FRMD4A: variants seen among roughly 807,000 people sequenced by gnomAD.
The protein encoded by FRMD4A is FERM domain containing 4A, also known as FERM domain-containing protein 4A.
A neutral mutation model predicts 129.1 loss-of-function variants in FRMD4A; 29 were observed. That is an observed-to-expected ratio of 0.22 (90% CI 0.17 to 0.31). The LOEUF (loss-of-function observed/expected upper bound fraction) is 0.31, where lower values mean the gene tolerates loss of function less well. Among genes scored for constraint, FRMD4A ranks in the 10% least tolerant of loss-of-function variants. The pLI is 1.00. For synonymous variants in FRMD4A, 634 were observed against 571.6 expected (o/e 1.11, Z -1.56); for missense variants, 1,272 against 1,375.8 (o/e 0.92, Z 1.19).
intron 4 of FRMD4A, among the ~76,000 whole-genome samples, chr10:13,808,498 C>T (rs1234967842): frequency 6.6e-6 from 1 of 152,212 alleles, no homozygotes; most frequent in Non-Finnish European, 1.5e-5. Flanking sequence ...CACTATTTTG[C>T]AGGGGCAGCT....
intron 15 of FRMD4A, among the ~76,000 whole-genome samples, chr10:13,687,188 A>C (rs569638213): frequency 6.6e-6 from 1 of 152,330 alleles, no homozygotes; most frequent in East Asian, 1.9e-4. Context: ...CCAGCTGCTC[A>C]GGAGGCTGAG....
chr10:14,171,133 T>A (rs939378970), intron 2 of FRMD4A, among the ~76,000 whole-genome samples: 8 of 152,022 alleles, frequency 5.3e-5, no homozygotes, highest in Admixed American at 2.6e-4. Context: ...AAGGACACAT[T>A]AAAAAAATTC....
intron 24 of FRMD4A, chr10:13,648,809 AACAC>A: frequency 6.6e-6 from 1 of 152,356 alleles, no homozygotes; most frequent in East Asian, 1.9e-4. Context: ...TTTTGTTTCT[AACAC>A]AAACATGATC....
At chr10:13,709,373 A>G (rs1057075094) in intron 12 of FRMD4A, among the ~76,000 whole-genome samples, 1 of 152,102 alleles carries the variant, frequency 6.6e-6, no homozygotes, top group African/African-American at 2.4e-5. Flanking sequence ...CTCAGCAGCC[A>G]CAGATCGTAG....
Position 13,917,343 on chromosome 10 carries a change from C to T in FRMD4A, c.46-58431G>A, listed in dbSNP as rs145429985. Among the ~76,000 whole-genome samples the T allele has an allele frequency of 0.014, 2,108 of 145,902 alleles. 88 individuals carry two copies. In the East Asian group the frequency reaches 0.17, roughly 12 times the overall value. On this transcript the variant is annotated intron_variant, in intron 2 of 24. Transcript: ENST00000357447. Reference sequence around the variant, plus strand: ...TGTCGCCCAGTCTGGAGTACAGTGGCGCAATCTTGGCTCACTGCAAACTGC... The same window carrying T: ...TGTCGCCCAGTCTGGAGTACAGTGGTGCAATCTTGGCTCACTGCAAACTGC...
intron 2 of FRMD4A, among the ~76,000 whole-genome samples, chr10:14,061,917 T>A (rs1834834095): frequency 6.6e-6 from 1 of 152,202 alleles, no homozygotes; most frequent in African/African-American, 2.4e-5. Context: ...TTCCAAAATC[T>A]TGTTATGTGA....
At chr10:13,887,336 G>A (rs552930237) in intron 2 of FRMD4A, among the ~76,000 whole-genome samples, 2 of 152,300 alleles carry the variant, frequency 1.3e-5, no homozygotes, top group African/African-American at 4.8e-5. Flanking sequence ...TCAAGTGGAA[G>A]ATGAACAATG....
intron 2 of FRMD4A, among the ~76,000 whole-genome samples, chr10:14,147,442 T>A (rs189795584): frequency 6.6e-6 from 1 of 152,290 alleles, no homozygotes; most frequent in East Asian, 1.9e-4. Flanking sequence ...TCAAGCACAT[T>A]ACCTTTCTTG....
At chr10:14,104,723 C>A (rs1172615908) in intron 2 of FRMD4A, among the ~76,000 whole-genome samples, 1 of 152,224 alleles carries the variant, frequency 6.6e-6, no homozygotes, top group East Asian at 1.9e-4. Context: ...GGGAAATTGC[C>A]AACCTTCGGC....
intron 2 of FRMD4A, among the ~76,000 whole-genome samples, chr10:14,019,729 G>A (rs1291024713): frequency 6.6e-6 from 1 of 152,200 alleles, no homozygotes; most frequent in African/African-American, 2.4e-5. Context: ...GACAGTGATG[G>A]GGCTGATGCC....
intron 4 of FRMD4A, among the ~76,000 whole-genome samples, chr10:13,804,691 G>A (rs1262253558): frequency 6.6e-6 from 1 of 150,578 alleles, no homozygotes; most frequent in Non-Finnish European, 1.5e-5. Context: ...ATTACAGGTG[G>A]CTGCCACCAC....
chr10:13,902,252 G>C (rs2094828230), intron 2 of FRMD4A, among the ~76,000 whole-genome samples: 2 of 152,166 alleles, frequency 1.3e-5, no homozygotes, highest in South Asian at 4.1e-4. Context: ...TTGAACTCAA[G>C]TGATCCTCAT....
intron 2 of FRMD4A, among the ~76,000 whole-genome samples, chr10:14,209,320 AAAGATGTCT>A (rs2131953138): frequency 6.6e-6 from 1 of 152,308 alleles, no homozygotes; most frequent in Admixed American, 6.5e-5. Context: ...GGCTCCCTCC[AAAGATGTCT>A]ACCTGGTTCT....
At chr10:14,234,311 G>A (rs1045203024) in intron 2 of FRMD4A, among the ~76,000 whole-genome samples, 1 of 152,116 alleles carries the variant, frequency 6.6e-6, no homozygotes, top group Non-Finnish European at 1.5e-5. Flanking sequence ...TGAAATGTCT[G>A]TAAGTTCTGA....
At chr10:14,225,154 T>C (rs1450985854) in intron 2 of FRMD4A, among the ~76,000 whole-genome samples, 1 of 152,168 alleles carries the variant, frequency 6.6e-6, no homozygotes, top group Non-Finnish European at 1.5e-5. Context: ...TTTTACAAAT[T>C]AACATAAAAC....
At chr10:13,831,596 G>A (rs1295205726) in intron 3 of FRMD4A, among the ~76,000 whole-genome samples, 1 of 152,180 alleles carries the variant, frequency 6.6e-6, no homozygotes. Context: ...CTTCTTTTCT[G>A]TAAAGTGGAC....
chr10:14,300,084 C>T (rs567099506), intron 2 of FRMD4A, among the ~76,000 whole-genome samples: 17 of 151,782 alleles, frequency 1.1e-4, no homozygotes, highest in East Asian at 3.9e-4. Flanking sequence ...TTTATACCTT[C>T]GTGTAGGAGC....
intron 2 of FRMD4A, among the ~76,000 whole-genome samples, chr10:14,147,527 C>T (rs563940596): frequency 2.3e-4 from 35 of 152,112 alleles, no homozygotes; most frequent in Admixed American, 1.6e-3. Flanking sequence ...TCAGTGTGAG[C>T]TCTGAGCTTG....
intron 2 of FRMD4A, among the ~76,000 whole-genome samples, chr10:14,229,885 C>G (rs541607717): frequency 4.3e-4 from 66 of 152,346 alleles, no homozygotes; most frequent in Non-Finnish European, 8.8e-4. Flanking sequence ...CCTGTCCTCT[C>G]TACATGGGGT....
Sources: gnomAD v4.1 joint callset for allele counts (sites outside exome capture counted in the v4.1 genomes callset) on GRCh38, gnomAD v4.1.1 for gene constraint, MANE v1.5 for transcripts, NCBI Gene and HGNC (gene_info 2026-07-23, HGNC 2026-07-21) for gene names.